ATRN: variants seen among roughly 807,000 people sequenced by gnomAD.
ATRN encodes attractin-2.
Under a neutral mutation model 178.7 loss-of-function variants are expected in ATRN, and 54 were observed. The observed-to-expected ratio is 0.30, with a 90% CI of 0.24 to 0.38. ATRN has a LOEUF of 0.38. Among genes scored for constraint, ATRN ranks in the 10% least tolerant of loss-of-function variants. The pLI, the probability that ATRN is intolerant of heterozygous loss-of-function variation, is 1.00. For missense variants in ATRN, 1,443 were observed against 1,815.1 expected, an observed-to-expected ratio of 0.79 and a Z score of 3.73; for synonymous variants, 636 against 663.0, an observed-to-expected ratio of 0.96 and a Z score of 0.63.
intron 1 of ATRN, among the ~76,000 whole-genome samples, chr20:3,533,041 C>T (rs935736532): frequency 1.7e-4 from 26 of 152,192 alleles, no homozygotes; most frequent in Non-Finnish European, 3.4e-4. Context: ...GGATTACAGG[C>T]GTGAGCCACC....
chr20:3,535,411 A>G, intron 2 of ATRN, 75 bp downstream of exon 2: 1 of 712,602 alleles, frequency 1.4e-6, no homozygotes. Flanking sequence ...TCCCACAAGT[A>G]AAATTAACAA....
chr20:3,578,854 C>T, intron 15 of ATRN, 82 bp downstream of exon 15: 1 of 1,342,186 alleles, frequency 7.5e-7, no homozygotes, highest in Admixed American at 2.1e-5. Flanking sequence ...ATGTGGAAGG[C>T]TGTGGATATG....
chr20:3,512,108 T>TATATATATATATATATATATA (rs1491340714), intron 1 of ATRN, among the ~76,000 whole-genome samples: 4 of 100,742 alleles, frequency 4.0e-5, no homozygotes, highest in Admixed American at 9.5e-5. Flanking sequence ...TATATATATA[T>TATATATATATATATATATATA]TTTTTTTTTT....
In ATRN at chr20:3,560,721, G is replaced by C. The variant is rs2085939221; in HGVS notation, c.1263G>C (p.Leu421Phe). 6.2e-7 allele frequency: 1 copy of C among 1,613,610 alleles called. No homozygotes were observed. The highest frequency in any genetic ancestry group is 1.7e-5 in the Admixed American group (1 of 60,002). The change falls in exon 8 of 29, where the codon TTG becomes TTC. Residue 421 changes from leucine (L) to phenylalanine (F), a missense_variant. Leu to Phe is a conservative substitution (Grantham distance 22, BLOSUM62 0). Around this residue, in one of 4 missense-constraint regions of ATRN, gnomAD observed 862 missense variants for 972.1 expected, o/e 0.89. Coordinates refer to ENST00000262919, the MANE Select transcript of ATRN (RefSeq NM_139321.3). ...CAACTGGGAATGTGACCAATGAGTT[G>C]AGAGTTTTTCACATTCATAATGAGT... Reference protein sequence around the residue: ...IDSTGNVTNELRVFHIHNESW... With the variant: ...IDSTGNVTNEFRVFHIHNESW...
At chr20:3,550,790 C>G (rs1273957727) in intron 6 of ATRN, among the ~76,000 whole-genome samples, 1 of 152,170 alleles carries the variant, frequency 6.6e-6, no homozygotes, top group East Asian at 1.9e-4. Context: ...CATCCCCCTT[C>G]CCTCTGGGGG....
intron 1 of ATRN, chr20:3,490,222 A>G: frequency 6.6e-7 from 1 of 1,520,666 alleles, no homozygotes; most frequent in South Asian, 1.1e-5. Context: ...AAGCTAAGAG[A>G]GCAGATTTCA....
chr20:3,538,076 T>G (rs1363462584), intron 2 of ATRN, among the ~76,000 whole-genome samples: 3 of 151,536 alleles, frequency 2.0e-5, no homozygotes, highest in African/African-American at 7.3e-5. Context: ...CATCTAGCAT[T>G]AGGTATATCT....
At chr20:3,516,858 T>C (rs1443279998) in intron 1 of ATRN, among the ~76,000 whole-genome samples, 1 of 152,138 alleles carries the variant, frequency 6.6e-6, no homozygotes, top group Non-Finnish European at 1.5e-5. Flanking sequence ...GGTGTATATG[T>C]GCCACATTTT....
chr20:3,571,587 T>G (rs1423243922), intron 11 of ATRN, among the ~76,000 whole-genome samples: 1 of 151,054 alleles, frequency 6.6e-6, no homozygotes, highest in Admixed American at 6.6e-5. Flanking sequence ...GCTAGTCTTA[T>G]AGGTGAGAAA....
chr20:3,547,696 G>A (rs1169027073), intron 5 of ATRN, among the ~76,000 whole-genome samples: 4 of 152,088 alleles, frequency 2.6e-5, no homozygotes, highest in African/African-American at 9.7e-5. Flanking sequence ...ATTATGGAGG[G>A]TTGGCCATTT....
chr20:3,617,392 T>A (rs367543429), intron 24 of ATRN, among the ~76,000 whole-genome samples: 5 of 152,134 alleles, frequency 3.3e-5, no homozygotes, highest in African/African-American at 1.2e-4. Context: ...AATAATATGA[T>A]CATAGGGAAA....
At chr20:3,615,575 AG>A (rs2086834241) in intron 24 of ATRN, among the ~76,000 whole-genome samples, 2 of 114,110 alleles carry the variant, frequency 1.8e-5, no homozygotes, top group African/African-American at 6.8e-5. Flanking sequence ...TTTTTTTTGG[AG>A]ACAGAGTCTC....
chr20:3,561,323 A>AAAAC (rs367861969), intron 8 of ATRN, among the ~76,000 whole-genome samples: 3,388 of 152,142 alleles, frequency 0.022, 120 homozygotes, highest in African/African-American at 0.076. Context: ...ACTCCGTCTC[A>AAAAC]AAACAAACAA....
chr20:3,578,660 A>G lies in ATRN; in HGVS notation c.2432A>G (p.Asn811Ser). The G allele has an allele frequency of 1.2e-6, 2 of 1,614,090 alleles. No homozygotes were observed. Among genetic ancestry groups the G allele is most frequent in the Non-Finnish European group, 1.7e-6 (2 of 1,179,960 alleles). ...KITTAKENYD[N>S]AKLFCRNHNA... ...ACTACTGCCAAGGAGAATTATGACA[A>G]TGCTAAATTGTTCTGTAGGAACCAC... The change falls in exon 15 of 29, where the codon AAT becomes AGT. Residue 811 changes from asparagine (N) to serine (S), a missense_variant. Physicochemically the swap from Asn to Ser is conservative, Grantham distance 46. This residue lies in a region of ATRN where 212 missense variants were observed against 330.7 expected (regional missense o/e 0.64). Coordinates refer to ENST00000262919, the MANE Select transcript of ATRN (RefSeq NM_139321.3).
intron 3 of ATRN, among the ~76,000 whole-genome samples, chr20:3,541,082 T>TC (rs1330319687): frequency 1.3e-5 from 2 of 149,188 alleles, no homozygotes; most frequent in Non-Finnish European, 3.0e-5. Flanking sequence ...GAGGATTTTT[T>TC]TTTTTTTTTT....
At chr20:3,524,621 A>G (rs2085340082) in intron 1 of ATRN, among the ~76,000 whole-genome samples, 1 of 152,242 alleles carries the variant, frequency 6.6e-6, no homozygotes, top group Non-Finnish European at 1.5e-5. Flanking sequence ...CATTCTTCTC[A>G]GCACCACATG....
chr20:3,568,143 T>A (rs1411919145), intron 11 of ATRN, among the ~76,000 whole-genome samples: 1 of 151,370 alleles, frequency 6.6e-6, no homozygotes, highest in East Asian at 2.0e-4. Flanking sequence ...ACAAAAAAAT[T>A]AGCTGGGCGT....
chr20:3,505,632 A>C (rs2085032805), intron 1 of ATRN, among the ~76,000 whole-genome samples: 1 of 152,232 alleles, frequency 6.6e-6, no homozygotes, highest in Non-Finnish European at 1.5e-5. Context: ...ATGTATTGAT[A>C]ATTAACTTGA....
chr20:3,582,491 A>G, intron 16 of ATRN, 137 bp downstream of exon 16: 1 of 785,766 alleles, frequency 1.3e-6, no homozygotes, highest in Non-Finnish European at 2.0e-6. Context: ...AAAGAAGAGT[A>G]TAACCCAGAT....
Sources: gnomAD v4.1 joint callset for allele counts (sites outside exome capture counted in the v4.1 genomes callset) on GRCh38, gnomAD v4.1.1 for gene constraint, gnomAD v4.1.1 regional missense constraint, MANE v1.5 for transcripts, NCBI Gene and HGNC (gene_info 2026-07-23, HGNC 2026-07-21) for gene names.